The following ITPR1 variants were observed in gnomAD, a reference collection of about 807,000 sequenced individuals.
ITPR1 encodes the protein inositol 1,4,5-trisphosphate-gated calcium channel ITPR1.
Under a neutral mutation model 318.4 loss-of-function variants are expected in ITPR1, and 96 were observed. The ratio of observed to expected loss-of-function variants is 0.30; its 90% CI spans 0.26 to 0.36. The LOEUF (loss-of-function observed/expected upper bound fraction) is 0.36, where lower values mean the gene tolerates loss of function less well. Among genes scored for constraint, ITPR1 ranks in the 10% least tolerant of loss-of-function variants. ITPR1 has a pLI of 1.00. For synonymous variants in ITPR1, 1,312 were observed against 1,289.9 expected (o/e 1.02, Z -0.37); for missense variants, 2,440 against 3,460.2 (o/e 0.71, Z 7.40).
In ITPR1 at chr3:4,807,505, C is replaced by A. The variant is rs114136670; in HGVS notation, c.7272+1238C>A. Among the ~76,000 whole-genome samples the A allele has an allele frequency of 7.2e-3, 1,097 of 152,284 alleles. 8 individuals carry two copies. Among genetic ancestry groups the A allele is most frequent in the Admixed American group, 0.013 (200 of 15,302 alleles). The stretch of plus-strand genomic sequence containing the variant: ...GGGCCGTCACAGGGATTACATGCAG[C>A]TGTTCAGGTCAGGGTCTTAGAATAG... On this transcript the variant is annotated intron_variant, in intron 55 of 61. Coordinates refer to ENST00000649015, the MANE Select transcript of ITPR1 (RefSeq NM_001378452.1).
intron 44 of ITPR1, among the ~76,000 whole-genome samples, chr3:4,738,060 G>A (rs980546138): frequency 3.3e-5 from 5 of 152,154 alleles, no homozygotes; most frequent in African/African-American, 1.2e-4. Flanking sequence ...GGGGCTTTTC[G>A]GAAGGTGGAG....
intron 20 of ITPR1, chr3:4,671,909 A>G (rs893846460): frequency 2.0e-5 from 3 of 152,178 alleles, no homozygotes; most frequent in African/African-American, 7.2e-5. Context: ...TCTACTTAAA[A>G]TTTTATATAA....
chr3:4,681,624 A>AAGTGT (rs548578427), intron 26 of ITPR1, among the ~76,000 whole-genome samples: 2 of 145,788 alleles, frequency 1.4e-5, no homozygotes, highest in African/African-American at 2.5e-5. Context: ...AGAGAGAGAA[A>AAGTGT]GTGTGTGTGT....
intron 59 of ITPR1, among the ~76,000 whole-genome samples, chr3:4,816,890 A>T (rs1028810127): frequency 6.6e-6 from 1 of 152,048 alleles, no homozygotes; most frequent in African/African-American, 2.4e-5. Flanking sequence ...TTATGTTATT[A>T]TTATTTCTAC....
At chr3:4,567,486 C>T (rs185035321) in intron 4 of ITPR1, among the ~76,000 whole-genome samples, 14 of 152,204 alleles carry the variant, frequency 9.2e-5, no homozygotes, top group Admixed American at 8.5e-4. Context: ...TGCTAGACTC[C>T]AAGTCGAAAC....
At chr3:4,671,045 C>G in intron 20 of ITPR1, 119 bp downstream of exon 20, 1 of 741,402 alleles carries the variant, frequency 1.3e-6, no homozygotes, top group South Asian at 2.9e-5. Context: ...GTAAGATTGT[C>G]TAGAAAAAAG....
At chr3:4,841,795 C>G (rs1044867492) in intron 61 of ITPR1, among the ~76,000 whole-genome samples, 1 of 152,104 alleles carries the variant, frequency 6.6e-6, no homozygotes, top group Admixed American at 6.5e-5. Context: ...TAGAGAGAAA[C>G]AGAGCATTTG....
At chr3:4,760,732 C>T (rs9870554) in intron 44 of ITPR1, among the ~76,000 whole-genome samples, 46,092 of 151,994 alleles carry the variant, frequency 0.3, 7,289 homozygotes, top group Middle Eastern at 0.46. Flanking sequence ...CTTGTGGCTC[C>T]TTCCTCCATC....
intron 54 of ITPR1, 141 bp downstream of exon 54, chr3:4,800,741 G>A (rs1331559856): frequency 2.3e-6 from 2 of 854,074 alleles, no homozygotes; most frequent in East Asian, 2.6e-5. Flanking sequence ...GCCAGAAGCA[G>A]GGGATGGCTG....
chr3:4,697,286 A>C lies in ITPR1; in HGVS notation c.4407+14A>C, dbSNP rs927703399. The C allele has an allele frequency of 8.4e-6, 13 of 1,545,120 alleles. No individual in the cohort carries two copies. The highest frequency in any genetic ancestry group is 1.1e-5 in the Non-Finnish European group (13 of 1,143,948). On this transcript the variant is annotated intron_variant, in intron 34 of 61. Coordinates refer to ENST00000649015, the MANE Select transcript of ITPR1 (RefSeq NM_001378452.1). ...GACATCTGCAGGGTAAGGCTTTTGG[A>C]ACTGAGGAGGCAGAGTTGGAGAGTG...
At chr3:4,696,405 C>T in intron 33 of ITPR1, among the ~76,000 whole-genome samples, 1 of 152,202 alleles carries the variant, frequency 6.6e-6, no homozygotes, top group East Asian at 1.9e-4. Flanking sequence ...CATGATTTTT[C>T]TCAAGGCTCA....
At chr3:4,619,879 A>G (rs923950071) in intron 4 of ITPR1, among the ~76,000 whole-genome samples, 2 of 117,884 alleles carry the variant, frequency 1.7e-5, no homozygotes, top group Admixed American at 1.0e-4. Context: ...TTCCCCTTCC[A>G]TTTCTCTTTG....
chr3:4,573,314 A>G (rs963609017), intron 4 of ITPR1, among the ~76,000 whole-genome samples: 1 of 152,050 alleles, frequency 6.6e-6, no homozygotes, highest in African/African-American at 2.4e-5. Context: ...CTCTTGACTT[A>G]TATTTGAAAT....
chr3:4,585,431 T>C (rs1247499053), intron 4 of ITPR1, among the ~76,000 whole-genome samples: 2 of 152,108 alleles, frequency 1.3e-5, no homozygotes, highest in Non-Finnish European at 2.9e-5. Context: ...TGCACTTTTA[T>C]TTTTTATCTT....
At chr3:4,697,350 G>GTA in intron 34 of ITPR1, 78 bp downstream of exon 34, 1 of 1,366,174 alleles carries the variant, frequency 7.3e-7, no homozygotes, top group African/African-American at 1.5e-5. Flanking sequence ...GTGTGTGTGT[G>GTA]TGTAGCATCT....
chr3:4,580,384 A>T (rs917029143), intron 4 of ITPR1, among the ~76,000 whole-genome samples: 1 of 152,216 alleles, frequency 6.6e-6, no homozygotes, highest in Non-Finnish European at 1.5e-5. Context: ...TCATCCAGCC[A>T]TTCCTTATGA....
intron 4 of ITPR1, among the ~76,000 whole-genome samples, chr3:4,618,715 A>G (rs552028959): frequency 6.6e-6 from 1 of 152,200 alleles, no homozygotes; most frequent in East Asian, 1.9e-4. Context: ...GTTCCTCACC[A>G]CCGTCCTCTA....
intron 30 of ITPR1, among the ~76,000 whole-genome samples, chr3:4,688,269 C>T (rs1427232266): frequency 6.6e-6 from 1 of 152,036 alleles, no homozygotes; most frequent in Non-Finnish European, 1.5e-5. Flanking sequence ...TAGCCTTACT[C>T]TGCAGTGCTC....
chr3:4,841,459 G>A (rs1575444954), intron 61 of ITPR1, among the ~76,000 whole-genome samples: 1 of 152,176 alleles, frequency 6.6e-6, no homozygotes, highest in African/African-American at 2.4e-5. Flanking sequence ...GGTTAATTCC[G>A]TTCCTTCTTT....
Sources: gnomAD v4.1 joint callset for allele counts (sites outside exome capture counted in the v4.1 genomes callset) on GRCh38, gnomAD v4.1.1 for gene constraint, MANE v1.5 for transcripts, NCBI Gene and HGNC (gene_info 2026-07-23, HGNC 2026-07-21) for gene names.